The following GFRA2 variants were observed in gnomAD, a reference collection of about 807,000 sequenced individuals.
The protein encoded by GFRA2 is GDNF family receptor alpha 2, also known as GDNF family receptor alpha-2.
In GFRA2, 17 loss-of-function variants were observed where a neutral mutation model predicts 48.3. The observed-to-expected ratio is 0.35, with a 90% CI of 0.24 to 0.53. The LOEUF is 0.53. GFRA2 is among the 20% of genes least tolerant of loss of function. The probability of loss-of-function intolerance (pLI) is 0.93; values close to 1 mark genes in which losing one functional copy is unlikely to be tolerated. For synonymous variants in GFRA2, 305 were observed against 257.2 expected (o/e 1.19, Z -1.78); for missense variants, 660 against 637.3 (o/e 1.04, Z -0.38).
rs1563252093 is a variant in GFRA2 at position 21,759,472 on chromosome 8, G to GAA, written c.440-8531_440-8530insTT. Among the ~76,000 whole-genome samples, 1,025 of 106,432 alleles carry GAA rather than the reference G, an allele frequency of 9.6e-3. 1 individual carries two copies. Among genetic ancestry groups the GAA allele is most frequent in the Admixed American group, 0.037 (334 of 9,062 alleles). 69.8% of individuals were successfully genotyped at this position (106,432 alleles called of 152,430 possible). On this transcript the variant is annotated intron_variant, in intron 3 of 8. Coordinates refer to ENST00000524240, the MANE Select transcript of GFRA2 (RefSeq NM_001495.5). ...AGGGAGAGAGGGAGGGAGGGAGGGA[G>GAA]GGAAAGAAGGAAAGAAGGAAGGAAG...
intron 4 of GFRA2, among the ~76,000 whole-genome samples, chr8:21,730,808 T>C (rs1164471243): frequency 6.6e-6 from 1 of 152,160 alleles, no homozygotes; most frequent in African/African-American, 2.4e-5. Flanking sequence ...TCTCCTCAAA[T>C]CGTATCTTCC....
At position 21,702,943 on chromosome 8, in the gene GFRA2, G is replaced by A. The variant is rs61740069; in HGVS notation, c.1080C>T (p.Asp360=). The A allele has an allele frequency of 0.016, 24,420 of 1,553,260 alleles. 2,520 individuals carry two copies. The African/African-American group carries it at 0.26, about 16-fold the overall frequency. ...AGGGGCCTTTTGGGGACACGTTCACGTCCGTGCCGTTGCCAAAGGCCTGGA... is the reference window on the plus strand; with the variant it reads ...AGGGGCCTTTTGGGGACACGTTCACATCCGTGCCGTTGCCAAAGGCCTGGA... The part of the protein sequence containing the change: ...NAIQAFGNGT[D]VNVSPKGPSF... The change falls in exon 7 of 9, where the codon GAC becomes GAT. Residue 360 remains aspartate (D), a synonymous_variant. Coordinates refer to ENST00000524240, the MANE Select transcript of GFRA2 (RefSeq NM_001495.5).
chr8:21,800,258 G>A (rs1807746704), intron 2 of GFRA2, among the ~76,000 whole-genome samples: 1 of 152,074 alleles, frequency 6.6e-6, no homozygotes, highest in Non-Finnish European at 1.5e-5. Flanking sequence ...TCCTCTCTGA[G>A]GCATATGCAT....
chr8:21,721,969 G>C (rs1470156669), intron 4 of GFRA2, among the ~76,000 whole-genome samples: 1 of 152,152 alleles, frequency 6.6e-6, no homozygotes, highest in Non-Finnish European at 1.5e-5. Flanking sequence ...CAAATATCTG[G>C]GCAGCTATGC....
intron 1 of GFRA2, among the ~76,000 whole-genome samples, chr8:21,786,118 T>G (rs965959453): frequency 6.6e-6 from 1 of 152,220 alleles, no homozygotes; most frequent in Non-Finnish European, 1.5e-5. Flanking sequence ...CCTGCTGCTC[T>G]TCTGCTCTCA....
At chr8:21,793,196 T>C (rs1807607526), upstream of GFRA2, among the ~76,000 whole-genome samples, 3 of 152,204 alleles carry the variant, frequency 2.0e-5, no homozygotes, top group African/African-American at 7.2e-5. Flanking sequence ...CCTTGCAGTC[T>C]TCAGATTCAT....
At chr8:21,809,788 G>C (rs1056676303) in intron 1 of GFRA2, among the ~76,000 whole-genome samples, 1 of 152,152 alleles carries the variant, frequency 6.6e-6, no homozygotes, top group Non-Finnish European at 1.5e-5. Context: ...AAACAGCCTT[G>C]CAGTAACTTC....
chr8:21,740,986 C>T (rs572551086), intron 4 of GFRA2, among the ~76,000 whole-genome samples: 7 of 152,356 alleles, frequency 4.6e-5, no homozygotes, highest in Admixed American at 4.6e-4. Context: ...GGCTGAGTGG[C>T]CATCATCTCT....
intron 2 of GFRA2, among the ~76,000 whole-genome samples, chr8:21,803,329 A>C (rs1375898966): frequency 2.0e-5 from 3 of 152,240 alleles, no homozygotes; most frequent in Non-Finnish European, 4.4e-5. Context: ...GCTCCTGTCT[A>C]GCAACAGTGG....
chr8:21,780,537 T>C, intron 2 of GFRA2, among the ~76,000 whole-genome samples: 1 of 152,104 alleles, frequency 6.6e-6, no homozygotes, highest in East Asian at 1.9e-4. Context: ...GGCCCTGGTT[T>C]CTACCTGCAG....
At chr8:21,775,216 A>G (rs2117708389) in intron 2 of GFRA2, among the ~76,000 whole-genome samples, 161 bp from the exon 3 acceptor site, 2 of 152,328 alleles carry the variant, frequency 1.3e-5, no homozygotes, top group African/African-American at 4.8e-5. Context: ...GTGCAGGACC[A>G]GGGCACATTA....
At chr8:21,768,312 G>A (rs977535710) in intron 3 of GFRA2, among the ~76,000 whole-genome samples, 6 of 152,180 alleles carry the variant, frequency 3.9e-5, no homozygotes, top group African/African-American at 7.2e-5. Flanking sequence ...TTCTGCATTC[G>A]GCTCAGGGAG....
At chr8:21,744,099 T>C (rs991564100) in intron 4 of GFRA2, among the ~76,000 whole-genome samples, 1 of 152,138 alleles carries the variant, frequency 6.6e-6, no homozygotes, top group African/African-American at 2.4e-5. Flanking sequence ...TGGAAAGCCA[T>C]TAAGCTGAGG....
At chr8:21,803,921 T>C (rs1244407313) in intron 2 of GFRA2, among the ~76,000 whole-genome samples, 1 of 152,232 alleles carries the variant, frequency 6.6e-6, no homozygotes, top group Non-Finnish European at 1.5e-5. Context: ...TAGCTAACAT[T>C]AAGTGAACAC....
chr8:21,809,388 G>C (rs918977731), intron 1 of GFRA2, among the ~76,000 whole-genome samples: 10 of 152,188 alleles, frequency 6.6e-5, no homozygotes, highest in Non-Finnish European at 1.0e-4. Flanking sequence ...GCAGTGGCGC[G>C]ATCTCAGCTC....
chr8:21,790,652 C>T (rs1005018233), upstream of GFRA2, among the ~76,000 whole-genome samples: 7 of 152,186 alleles, frequency 4.6e-5, no homozygotes, highest in Non-Finnish European at 7.3e-5. Flanking sequence ...CCCAGCCATC[C>T]AGTTGTGCCT....
chr8:21,787,750 G>A (rs969509758), intron 1 of GFRA2, among the ~76,000 whole-genome samples: 6 of 152,210 alleles, frequency 3.9e-5, no homozygotes, highest in African/African-American at 1.4e-4. Context: ...CTCCCTTCTT[G>A]CAGATCAAGA....
intron 4 of GFRA2, among the ~76,000 whole-genome samples, chr8:21,736,247 C>T (rs934254228): frequency 5.9e-5 from 9 of 152,028 alleles, no homozygotes; most frequent in Admixed American, 3.3e-4. Flanking sequence ...GGGACACACA[C>T]CCATCAGGAA....
intron 3 of GFRA2, among the ~76,000 whole-genome samples, chr8:21,768,819 G>T (rs1458576892): frequency 1.3e-5 from 2 of 152,076 alleles, no homozygotes; most frequent in Non-Finnish European, 2.9e-5. Context: ...GAGAAGTCCT[G>T]GGCTGGAGCA....
Sources: gnomAD v4.1 joint callset for allele counts (sites outside exome capture counted in the v4.1 genomes callset) on GRCh38, gnomAD v4.1.1 for gene constraint, MANE v1.5 for transcripts, NCBI Gene and HGNC (gene_info 2026-07-23, HGNC 2026-07-21) for gene names.